TSPAN9: variants seen among roughly 807,000 people sequenced by gnomAD.
TSPAN9 encodes tetraspanin-9.
A neutral mutation model predicts 31.0 loss-of-function variants in TSPAN9; 16 were observed. The ratio of observed to expected loss-of-function variants is 0.52; its 90% CI spans 0.35 to 0.78. The LOEUF (loss-of-function observed/expected upper bound fraction) is 0.78, where lower values mean the gene tolerates loss of function less well. Ranked by LOEUF, TSPAN9 falls within the 30% of genes least tolerant of loss-of-function variation. The pLI, the probability that TSPAN9 is intolerant of heterozygous loss-of-function variation, is 0.01. For synonymous variants in TSPAN9, 145 were observed against 121.6 expected (o/e 1.19, Z -1.27); for missense variants, 272 against 312.5 (o/e 0.87, Z 0.98).
intron 2 of TSPAN9, among the ~76,000 whole-genome samples, chr12:3,125,824 G>T (rs1273545567): frequency 6.6e-6 from 1 of 152,094 alleles, no homozygotes; most frequent in Non-Finnish European, 1.5e-5. Flanking sequence ...CCTCAAGTGA[G>T]CCCAGAGAAC....
At chr12:3,226,240 A>C (rs2098387086) in intron 3 of TSPAN9, among the ~76,000 whole-genome samples, 1 of 152,150 alleles carries the variant, frequency 6.6e-6, no homozygotes, top group African/African-American at 2.4e-5. Flanking sequence ...AGTTGCACAT[A>C]GCGGGAGAAA....
intron 2 of TSPAN9, among the ~76,000 whole-genome samples, chr12:3,094,057 G>A (rs1209592482): frequency 6.6e-6 from 1 of 152,018 alleles, no homozygotes; most frequent in Non-Finnish European, 1.5e-5. Flanking sequence ...AGATGGGGTC[G>A]CACTATGTTG....
At chr12:3,189,076 C>T (rs1426330375) in intron 2 of TSPAN9, among the ~76,000 whole-genome samples, 1 of 152,222 alleles carries the variant, frequency 6.6e-6, no homozygotes, top group Admixed American at 6.5e-5. Context: ...AAATAGCTGT[C>T]ATGCAATGCA....
Position 3,263,603 on chromosome 12 carries a change from C to T in TSPAN9, c.64-14818C>T, listed in dbSNP as rs138568417. On this transcript the variant is annotated intron_variant, in intron 3 of 8. Coordinates refer to ENST00000011898, the MANE Select transcript of TSPAN9 (RefSeq NM_006675.5). ...TTCCCACTTCCCTCCTTCACTCGGG[C>T]TCCCACAATCCATATATGTCTGTTT... is the stretch of plus-strand genomic sequence containing the variant. 1.6e-3 allele frequency among the ~76,000 whole-genome samples: 238 copies of T among 152,290 alleles called. 3 individuals carry two copies. The highest frequency in any genetic ancestry group is 5.3e-3 in the African/African-American group (219 of 41,572).
At chr12:3,163,361 T>G (rs1169379161) in intron 2 of TSPAN9, among the ~76,000 whole-genome samples, 1 of 152,222 alleles carries the variant, frequency 6.6e-6, no homozygotes, top group Non-Finnish European at 1.5e-5. Context: ...TTTGGCACTT[T>G]CCACACTCTA....
intron 3 of TSPAN9, among the ~76,000 whole-genome samples, chr12:3,202,749 G>A (rs1033432900): frequency 9.2e-5 from 14 of 152,146 alleles, no homozygotes; most frequent in Non-Finnish European, 1.0e-4. Context: ...GACTTGAGTT[G>A]GATTCCCCTA....
chr12:3,224,357 G>A (rs527719123), intron 3 of TSPAN9, among the ~76,000 whole-genome samples: 14 of 152,242 alleles, frequency 9.2e-5, no homozygotes, highest in Non-Finnish European at 2.1e-4. Context: ...TGGTGAAGTG[G>A]AGTAAGAGCC....
intron 3 of TSPAN9, among the ~76,000 whole-genome samples, chr12:3,248,032 G>A (rs1448202971): frequency 6.6e-6 from 1 of 152,202 alleles, no homozygotes; most frequent in African/African-American, 2.4e-5. Flanking sequence ...CTGTCTGCTT[G>A]CCCCTTTCCC....
chr12:3,264,242 C>G (rs1018052555), intron 3 of TSPAN9, among the ~76,000 whole-genome samples: 1 of 152,062 alleles, frequency 6.6e-6, no homozygotes, highest in African/African-American at 2.4e-5. Flanking sequence ...GAATGGGGCA[C>G]AGGGGACCCG....
At chr12:3,229,734 C>T (rs1278389706) in intron 3 of TSPAN9, among the ~76,000 whole-genome samples, 2 of 152,178 alleles carry the variant, frequency 1.3e-5, no homozygotes, top group East Asian at 3.8e-4. Flanking sequence ...AGGCCTGCAG[C>T]GGTTCATCGC....
intron 2 of TSPAN9, among the ~76,000 whole-genome samples, chr12:3,105,572 C>T (rs1016318245): frequency 1.3e-5 from 2 of 151,706 alleles, no homozygotes; most frequent in African/African-American, 2.4e-5. Flanking sequence ...GCGAGCTGAG[C>T]GGGAAACAGG....
intron 3 of TSPAN9, among the ~76,000 whole-genome samples, chr12:3,273,683 C>T (rs566458057): frequency 1.2e-4 from 18 of 152,166 alleles, no homozygotes; most frequent in Non-Finnish European, 2.2e-4. Flanking sequence ...CCACCAGAGG[C>T]GGCTCCCCTG....
In TSPAN9 at chr12:3,278,025, C is replaced by G. The variant is rs186371271; in HGVS notation, c.64-396C>G. Reference sequence around the variant, plus strand: ...CTTGCTTTTCCTGACCCCAGTTCTCCCCTCTCACCAGGCCTCCGTCTTGGA... The same window carrying G: ...CTTGCTTTTCCTGACCCCAGTTCTCGCCTCTCACCAGGCCTCCGTCTTGGA... On this transcript the variant is annotated intron_variant, in intron 3 of 8. Coordinates refer to ENST00000011898, the MANE Select transcript of TSPAN9 (RefSeq NM_006675.5). Among the ~76,000 whole-genome samples, 1,225 of 152,368 alleles carry G rather than the reference C, an allele frequency of 8.0e-3. 4 individuals carry two copies. The highest frequency in any genetic ancestry group is 0.014 in the Middle Eastern group (4 of 294).
chr12:3,279,623 A>G (rs535866651), intron 5 of TSPAN9, among the ~76,000 whole-genome samples: 12 of 152,298 alleles, frequency 7.9e-5, no homozygotes, highest in Non-Finnish European at 1.5e-4. Context: ...CGCAGTCAAG[A>G]GCGAGGTTGG....
In TSPAN9 at chr12:3,246,659, A is replaced by G. The variant is rs1862134399; in HGVS notation, c.64-31762A>G. Among the ~76,000 whole-genome samples the G allele has an allele frequency of 2.6e-5, 4 of 152,214 alleles. No individual in the cohort carries two copies. In the South Asian group the frequency reaches 6.2e-4, roughly 24 times the overall value. On this transcript the variant is annotated intron_variant, in intron 3 of 8. Transcript: ENST00000011898. ...CAGTGTGCCTACATCCCTCCTGACC[A>G]TGACACTCCCATTCCTGGGCCTAAT... is the stretch of plus-strand genomic sequence containing the variant.
chr12:3,175,389 C>G (rs2098354983), intron 2 of TSPAN9, among the ~76,000 whole-genome samples: 1 of 152,182 alleles, frequency 6.6e-6, no homozygotes. Context: ...GTGGCAGCCC[C>G]TGTGAGCTGC....
intron 2 of TSPAN9, among the ~76,000 whole-genome samples, chr12:3,135,390 C>G (rs1226428150): frequency 6.6e-6 from 1 of 152,104 alleles, no homozygotes; most frequent in African/African-American, 2.4e-5. Context: ...CCGGCCACCA[C>G]GTTTTTATTT....
chr12:3,150,381 T>C (rs1476069666), intron 2 of TSPAN9, among the ~76,000 whole-genome samples: 1 of 152,146 alleles, frequency 6.6e-6, no homozygotes, highest in East Asian at 1.9e-4. Flanking sequence ...GGGTTTCCTT[T>C]GAAAAATCTG....
At chr12:3,097,566 G>T (rs957511282) in intron 2 of TSPAN9, among the ~76,000 whole-genome samples, 2 of 152,170 alleles carry the variant, frequency 1.3e-5, no homozygotes, top group Non-Finnish European at 2.9e-5. Flanking sequence ...GGGGGCAGGG[G>T]AAGAGAGGGA....
Sources: allele counts gnomAD v4.1 joint callset (sites outside exome capture counted in the v4.1 genomes callset), GRCh38; gene constraint gnomAD v4.1.1; transcripts MANE v1.5; gene names NCBI Gene and HGNC (gene_info 2026-07-23, HGNC 2026-07-21).